PTK2B: variants seen among roughly 807,000 people sequenced by gnomAD.
PTK2B encodes protein tyrosine kinase 2 beta, also known as protein-tyrosine kinase 2-beta.
Under a neutral mutation model 142.9 loss-of-function variants are expected in PTK2B, and 71 were observed. The observed-to-expected ratio is 0.50, with a 90% CI of 0.41 to 0.61. The LOEUF is 0.61. Among genes scored for constraint, PTK2B ranks in the 20% least tolerant of loss-of-function variants. The pLI is 0.00. For synonymous variants in PTK2B, 519 were observed against 503.4 expected, an observed-to-expected ratio of 1.03 and a Z score of -0.42; for missense variants, 1,105 against 1,320.4, an observed-to-expected ratio of 0.84 and a Z score of 2.53.
chr8:27,452,900 C>A (rs1811906474), intron 27 of PTK2B: 2 of 595,420 alleles, frequency 3.4e-6, no homozygotes, highest in Admixed American at 6.2e-5. Context: ...TTGCCTTTTT[C>A]TTCCTATAAA....
At chr8:27,417,007 A>G (rs563482647) in intron 2 of PTK2B, among the ~76,000 whole-genome samples, 28 of 152,254 alleles carry the variant, frequency 1.8e-4, no homozygotes, top group Non-Finnish European at 3.7e-4. Context: ...CAGGAGAAAT[A>G]TAAAATGGAA....
intron 1 of PTK2B, among the ~76,000 whole-genome samples, chr8:27,384,235 A>G (rs985428877): frequency 5.9e-5 from 9 of 152,144 alleles, no homozygotes; most frequent in South Asian, 2.1e-4. Flanking sequence ...GACTCAAGCA[A>G]TCCTCCTGCC....
chr8:27,321,222 T>C (rs934920683), upstream of PTK2B, among the ~76,000 whole-genome samples: 1 of 151,916 alleles, frequency 6.6e-6, no homozygotes, highest in African/African-American at 2.4e-5. Context: ...CCTCGAACTC[T>C]TGGCCTCAAG....
chr8:27,330,302 G>A (rs1454980776), intron 1 of PTK2B, among the ~76,000 whole-genome samples: 1 of 152,176 alleles, frequency 6.6e-6, no homozygotes, highest in Non-Finnish European at 1.5e-5. Flanking sequence ...TGAGCTGGCG[G>A]GGCAGCACCA....
chr8:27,365,865 G>A (rs935232602), intron 1 of PTK2B, among the ~76,000 whole-genome samples: 1 of 152,168 alleles, frequency 6.6e-6, no homozygotes, highest in Non-Finnish European at 1.5e-5. Context: ...CCTTTCAAGG[G>A]CTGTAAAACT....
At chr8:27,324,559 G>C (rs1034070561), upstream of PTK2B, among the ~76,000 whole-genome samples, 1 of 152,240 alleles carries the variant, frequency 6.6e-6, no homozygotes, top group Non-Finnish European at 1.5e-5. Flanking sequence ...GAAGGAGTCA[G>C]TGCAATCTTG....
chr8:27,404,464 C>T (rs900922921), intron 2 of PTK2B, among the ~76,000 whole-genome samples: 6 of 152,190 alleles, frequency 3.9e-5, no homozygotes, highest in African/African-American at 1.4e-4. Flanking sequence ...TTCACATCCT[C>T]AGGAGGGGCA....
chr8:27,437,337 T>C, intron 16 of PTK2B, 59 bp from the exon 17 acceptor site: 1 of 1,565,766 alleles, frequency 6.4e-7, no homozygotes. Flanking sequence ...AGCAAAGGCC[T>C]TTTCTGAATT....
At chr8:27,426,454 G>T (rs1810089483) in intron 5 of PTK2B, among the ~76,000 whole-genome samples, 10 of 152,228 alleles carry the variant, frequency 6.6e-5, no homozygotes, top group Admixed American at 6.5e-4. Context: ...GGGAGACGTG[G>T]GTGCCCCTGG....
At chr8:27,311,579 C>T (rs1802975120) in exon 1 of PTK2B, 3 of 337,882 alleles carry the variant, frequency 8.9e-6, no homozygotes, top group Non-Finnish European at 1.6e-5. Flanking sequence ...TACTGGAAAC[C>T]TACTTCCGGC....
upstream of PTK2B, chr8:27,311,223 G>A: frequency 1.3e-6 from 2 of 1,558,256 alleles, no homozygotes; most frequent in South Asian, 2.4e-5. Context: ...GACACGTCGG[G>A]ACTCCGCTCC....
chr8:27,361,638 C>T (rs1805712140), intron 1 of PTK2B, among the ~76,000 whole-genome samples: 1 of 152,148 alleles, frequency 6.6e-6, no homozygotes, highest in African/African-American at 2.4e-5. Flanking sequence ...TTATGGGCTC[C>T]AGGCACCTTC....
chr8:27,361,298 A>G (rs1416289426), intron 1 of PTK2B, among the ~76,000 whole-genome samples: 2 of 152,130 alleles, frequency 1.3e-5, no homozygotes, highest in African/African-American at 4.8e-5. Context: ...AGCTCACTAC[A>G]GCCTCGAACT....
At chr8:27,441,953 G>A (rs947326539) in intron 21 of PTK2B, among the ~76,000 whole-genome samples, 2 of 152,092 alleles carry the variant, frequency 1.3e-5, no homozygotes, top group Admixed American at 6.5e-5. Context: ...TCTGCCACAA[G>A]TGGAGGTGGG....
chr8:27,347,175 G>C (rs547324517), intron 1 of PTK2B, among the ~76,000 whole-genome samples: 1 of 150,380 alleles, frequency 6.6e-6, no homozygotes, highest in Non-Finnish European at 1.5e-5. Flanking sequence ...ACAGGAGTTC[G>C]AGACCAGCCT....
chr8:27,361,513 C>T (rs559524995), intron 1 of PTK2B, among the ~76,000 whole-genome samples: 32 of 152,270 alleles, frequency 2.1e-4, no homozygotes, highest in African/African-American at 4.8e-4. Context: ...CATGAGCCAC[C>T]GCAGCCGGCC....
chr8:27,442,134 C>T (rs1811190468), intron 21 of PTK2B, among the ~76,000 whole-genome samples: 1 of 152,126 alleles, frequency 6.6e-6, no homozygotes, highest in South Asian at 2.1e-4. Flanking sequence ...TTGAGTGTCT[C>T]TGTGTAACAA....
At chr8:27,373,690 A>AT (rs35223125) in intron 1 of PTK2B, among the ~76,000 whole-genome samples, 49 of 151,776 alleles carry the variant, frequency 3.2e-4, no homozygotes, top group Admixed American at 1.6e-3. Context: ...TCTAAAATAA[A>AT]TTTTTTTTAA....
rs567571665 is a variant in PTK2B, at chr8:27,318,166, G to A, written c.-413-4236G>A. On this transcript the variant is annotated intron_variant, in intron 3 of 35. Transcript: ENST00000397501. ...ATGGCCACAGATGCTTGGTTTTGAG[G>A]GCTCTTGCACATGCTAGGCATTTTT... is the stretch of plus-strand genomic sequence containing the variant. Among the ~76,000 whole-genome samples the A allele has an allele frequency of 1.1e-4, 17 of 152,168 alleles. No individual in the cohort carries two copies. The South Asian group carries it at 2.3e-3, about 20-fold the overall frequency.
Sources: allele counts gnomAD v4.1 joint callset (sites outside exome capture counted in the v4.1 genomes callset), GRCh38; gene constraint gnomAD v4.1.1; transcripts MANE v1.5; gene names NCBI Gene and HGNC (gene_info 2026-07-23, HGNC 2026-07-21).